TNRC18: variants seen among roughly 807,000 people sequenced by gnomAD.
TNRC18 encodes the protein trinucleotide repeat-containing gene 18 protein.
A neutral mutation model predicts 226.7 loss-of-function variants in TNRC18; 69 were observed. The observed-to-expected ratio is 0.30, with a 90% CI of 0.25 to 0.37. TNRC18 has a LOEUF of 0.37. Among genes scored for constraint, TNRC18 ranks in the 10% least tolerant of loss-of-function variants. TNRC18 has a pLI of 1.00. For synonymous variants in TNRC18, 2,449 were observed against 1,927.6 expected (o/e 1.27, Z -7.09); for missense variants, 4,754 against 4,256.6 (o/e 1.12, Z -3.25).
At chr7:5,330,586 G>A (rs1165444498) in intron 19 of TNRC18, among the ~76,000 whole-genome samples, 1 of 152,018 alleles carries the variant, frequency 6.6e-6, no homozygotes, top group Non-Finnish European at 1.5e-5. Context: ...GTTCATAGGA[G>A]AAACCCACTT....
At chr7:5,405,755 A>C (rs1368677250) in intron 2 of TNRC18, among the ~76,000 whole-genome samples, 1 of 152,070 alleles carries the variant, frequency 6.6e-6, no homozygotes, top group Admixed American at 6.6e-5. Flanking sequence ...AAAACAAAAA[A>C]TAAAAATAAA....
At chr7:5,342,416 G>A (rs566611089) in intron 18 of TNRC18, among the ~76,000 whole-genome samples, 24 of 149,814 alleles carry the variant, frequency 1.6e-4, no homozygotes, top group East Asian at 5.8e-4. Context: ...GCGACACAGC[G>A]AGACTCAGTC....
At chr7:5,373,993 G>A (rs977155539) in intron 10 of TNRC18, 62 bp downstream of exon 10, 1 of 1,290,482 alleles carries the variant, frequency 7.7e-7, no homozygotes. Flanking sequence ...TGAAAAGATG[G>A]ATGAGCAGTT....
At chr7:5,337,270 T>C (rs1441934678) in intron 18 of TNRC18, among the ~76,000 whole-genome samples, 2 of 151,158 alleles carry the variant, frequency 1.3e-5, no homozygotes, top group Admixed American at 6.6e-5. Flanking sequence ...AAATTCTATA[T>C]CCAGTAAAAA....
chr7:5,362,452 A>C (rs959057602), intron 12 of TNRC18, among the ~76,000 whole-genome samples, 198 bp downstream of exon 12: 1 of 152,102 alleles, frequency 6.6e-6, no homozygotes, highest in Non-Finnish European at 1.5e-5. Flanking sequence ...ACATGCTAGC[A>C]GACAGGTAAA....
chr7:5,314,393 C>T (rs1023191816), intron 26 of TNRC18, among the ~76,000 whole-genome samples: 13 of 152,174 alleles, frequency 8.5e-5, no homozygotes, highest in Non-Finnish European at 1.3e-4. Context: ...AAAGCGGGTC[C>T]TCCTCTGCTT....
intron 18 of TNRC18, among the ~76,000 whole-genome samples, chr7:5,345,155 T>C (rs1233678563): frequency 6.6e-6 from 1 of 152,154 alleles, no homozygotes; most frequent in Non-Finnish European, 1.5e-5. Flanking sequence ...GACGTGGCTG[T>C]TCCTTCCCCT....
At chr7:5,333,771 T>C (rs915647578) in intron 18 of TNRC18, among the ~76,000 whole-genome samples, 2 of 152,130 alleles carry the variant, frequency 1.3e-5, no homozygotes, top group South Asian at 2.1e-4. Context: ...CGACCTCTCC[T>C]TGGAACGGCG....
At chr7:5,419,311 C>G (rs1309183192) in intron 2 of TNRC18, among the ~76,000 whole-genome samples, 1 of 152,242 alleles carries the variant, frequency 6.6e-6, no homozygotes, top group Non-Finnish European at 1.5e-5. Context: ...AGCCAGATCG[C>G]AGGCGGGGAG....
intron 16 of TNRC18, among the ~76,000 whole-genome samples, chr7:5,354,798 C>G (rs1368865080): frequency 3.9e-5 from 6 of 152,220 alleles, no homozygotes; most frequent in Non-Finnish European, 8.8e-5. Context: ...ACGTTCAGCT[C>G]TCTGCCCACG....
In TNRC18 at chr7:5,370,608, T is replaced by G. The variant is rs745929965; in HGVS notation, c.3986A>C (p.Asp1329Ala). The part of the protein sequence containing the change: ...STCFLEEASS[D>A]QFLPSLEDPL... ...GTCCTCCAGACTGGGCAGGAACTGG[T>G]CAGAGCTTGCCTCTTCCAGGAAGCA... is the stretch of plus-strand genomic sequence containing the variant. Residue 1329 changes from aspartate to alanine, a missense_variant, in exon 11 of 30, where the codon GAC becomes GCC. By Grantham distance (126) the Asp-to-Ala change is moderately radical. Coordinates refer to ENST00000430969, the MANE Select transcript of TNRC18 (RefSeq NM_001080495.3). 2 of 1,613,282 alleles carry G rather than the reference T, an allele frequency of 1.2e-6. No individual in the cohort carries two copies. Among genetic ancestry groups the G allele is most frequent in the South Asian group, 2.2e-5 (2 of 91,022 alleles).
At chr7:5,360,413 AAAG>A (rs1461746611) in intron 14 of TNRC18, among the ~76,000 whole-genome samples, 4 of 151,968 alleles carry the variant, frequency 2.6e-5, no homozygotes, top group African/African-American at 9.7e-5. Flanking sequence ...TATTTTTAGT[AAAG>A]AAGGGGTTTC....
At chr7:5,411,762 C>G (rs933680308) in intron 2 of TNRC18, among the ~76,000 whole-genome samples, 4 of 151,946 alleles carry the variant, frequency 2.6e-5, no homozygotes, top group African/African-American at 9.7e-5. Flanking sequence ...AACAATGGCT[C>G]TCCAGCACAC....
intron 2 of TNRC18, among the ~76,000 whole-genome samples, chr7:5,410,257 G>A (rs1324497244): frequency 6.9e-6 from 1 of 144,440 alleles, no homozygotes; most frequent in Non-Finnish European, 1.5e-5. Context: ...GTTGCAATGA[G>A]CCAAGATCAT....
chr7:5,374,345 G>A lies in TNRC18; in HGVS notation c.2939C>T (p.Ala980Val), dbSNP rs1794435751. The part of the protein sequence containing the change: ...LLPRKPPGLA[A>V]GPAGTYGKAV... ...CTTGCCGTAGGTGCCCGCGGGGCCGGCGGCCAGGCCAGGGGGCTTCCGCGG... is the reference window on the plus strand; with the variant it reads ...CTTGCCGTAGGTGCCCGCGGGGCCGACGGCCAGGCCAGGGGGCTTCCGCGG... The change falls in exon 10 of 30, where the codon GCC (alanine) becomes GTC (valine). Residue 980 changes from alanine (A) to valine (V), a missense_variant. Transcript: ENST00000430969. 10 of 1,422,902 alleles carry A rather than the reference G, an allele frequency of 7.0e-6. No homozygotes were observed. Among genetic ancestry groups the A allele is most frequent in the Non-Finnish European group, 7.3e-6 (8 of 1,097,096 alleles). 88.1% of individuals were successfully genotyped at this position (1,422,902 alleles called of 1,614,324 possible).
intron 19 of TNRC18, among the ~76,000 whole-genome samples, chr7:5,331,911 A>C (rs1175079891): frequency 6.6e-6 from 1 of 152,168 alleles, no homozygotes; most frequent in Non-Finnish European, 1.5e-5. Flanking sequence ...CTCTGTCTCT[A>C]AAATATAAAA....
intron 19 of TNRC18, among the ~76,000 whole-genome samples, chr7:5,332,130 G>C (rs939221332): frequency 6.6e-6 from 1 of 152,126 alleles, no homozygotes; most frequent in African/African-American, 2.4e-5. Context: ...AGAAAAGAGA[G>C]TAAGGACCTC....
chr7:5,420,961 G>A, intron 2 of TNRC18, 99 bp downstream of exon 2: 1 of 1,453,564 alleles, frequency 6.9e-7, no homozygotes, highest in Non-Finnish European at 9.4e-7. Flanking sequence ...CCGACCGAAG[G>A]AGAGTCGCCG....
At chr7:5,308,841 C>CAA in intron 29 of TNRC18, 34 bp downstream of exon 29, 2 of 1,094,674 alleles carry the variant, frequency 1.8e-6, no homozygotes, top group Non-Finnish European at 2.7e-6. Flanking sequence ...CAGCCATCCC[C>CAA]AACCCGCCCA....
Sources: allele counts gnomAD v4.1 joint callset (sites outside exome capture counted in the v4.1 genomes callset), GRCh38; gene constraint gnomAD v4.1.1; transcripts MANE v1.5; gene names NCBI Gene and HGNC (gene_info 2026-07-23, HGNC 2026-07-21).